The following AMMECR1 variants were observed in gnomAD, a reference collection of about 807,000 sequenced individuals.
The protein encoded by AMMECR1 is AMMECR nuclear protein 1.
A neutral mutation model predicts 22.5 loss-of-function variants in AMMECR1; 3 were observed. The ratio of observed to expected loss-of-function variants is 0.13; its 90% CI spans 0.06 to 0.35. The LOEUF (loss-of-function observed/expected upper bound fraction) is 0.35. AMMECR1 is among the 10% of genes least tolerant of loss of function. The probability of loss-of-function intolerance (pLI) is 1.00; values close to 1 mark genes in which losing one functional copy is unlikely to be tolerated. For missense variants in AMMECR1, 235 were observed against 278.7 expected (o/e 0.84, Z 1.12); for synonymous variants, 130 against 116.7 (o/e 1.11, Z -0.74).
At chrX:110,238,390 G>A (rs1197881907) in intron 2 of AMMECR1, among the ~76,000 whole-genome samples, 2 of 111,772 alleles carry the variant, frequency 1.8e-5, no homozygotes, top group African/African-American at 6.5e-5. Flanking sequence ...AGCTCAAGCC[G>A]AGTAGGCGGT....
chrX:110,224,069 A>T (rs1010758015), intron 2 of AMMECR1, among the ~76,000 whole-genome samples: 3 of 111,960 alleles, frequency 2.7e-5, no homozygotes, highest in Non-Finnish European at 5.6e-5. Context: ...CTACTCAATA[A>T]GTAGTGGCTG....
chrX:110,423,323 G>A (rs1377700621), intron 2 of AMMECR1, among the ~76,000 whole-genome samples: 1 of 105,174 alleles, frequency 9.5e-6, no homozygotes, highest in Non-Finnish European at 1.9e-5. Flanking sequence ...AGTGAAACTC[G>A]GTCTCAAAAA....
chrX:110,232,121 A>G lies in AMMECR1; in HGVS notation c.585-15489T>C, dbSNP rs755350351. ...TGACAGATCAACGAGACAGAAGGTT[A>G]ACAAGGATACCCAGGACCTGAATTT... On this transcript the variant is annotated intron_variant, in intron 2 of 5. Coordinates refer to ENST00000262844, the MANE Select transcript of AMMECR1 (RefSeq NM_015365.3). Among the ~76,000 whole-genome samples, 34 of 111,305 alleles carry G rather than the reference A, an allele frequency of 3.1e-4. 1 individual carries two copies. The South Asian group carries it at 0.013, about 44-fold the overall frequency.
At chrX:110,361,855 A>G (rs1434426483) in intron 2 of AMMECR1, among the ~76,000 whole-genome samples, 2 of 112,223 alleles carry the variant, frequency 1.8e-5, no homozygotes, top group Non-Finnish European at 3.8e-5. Flanking sequence ...GAGCCACGTA[A>G]TCTTTAACAC....
intron 2 of AMMECR1, among the ~76,000 whole-genome samples, chrX:110,358,493 C>T (rs1289022121): frequency 1.8e-5 from 2 of 110,938 alleles, no homozygotes; most frequent in African/African-American, 6.6e-5. Flanking sequence ...TCCTGACAAC[C>T]ACCTGTGAGG....
intron 2 of AMMECR1, among the ~76,000 whole-genome samples, chrX:110,241,981 C>G (rs2067635616): frequency 9.0e-6 from 1 of 111,727 alleles, no homozygotes; most frequent in Admixed American, 9.5e-5. Context: ...TCTCACTTCA[C>G]TAGCACAGGG....
Position 110,336,557 on chromosome X carries a change from C to CA in AMMECR1, c.-147-18709dup, listed in dbSNP as rs1313635258. ...AACAAAACAAAACAAAACAAAAAAA[C>CA]AAAAAAAATTAGCCAGGTGTGGTCG... On this transcript the variant is annotated intron_variant, in intron 2 of 7. Transcript: ENST00000372057. Among the ~76,000 whole-genome samples, 73 of 108,837 alleles carry CA rather than the reference C, an allele frequency of 6.7e-4. 1 individual carries two copies. The highest frequency in any genetic ancestry group is 9.9e-4 in the Non-Finnish European group (52 of 52,427). The allele number at this position is 108,837 out of a possible 115,157, so 94.5% of individuals were successfully genotyped here.
intron 2 of AMMECR1, among the ~76,000 whole-genome samples, chrX:110,354,099 T>G (rs1226875482): frequency 1.8e-5 from 2 of 112,044 alleles, no homozygotes; most frequent in East Asian, 5.5e-4. Flanking sequence ...CCACCCAAAG[T>G]GATCTACAGA....
At chrX:110,433,482 G>A (rs1234942419) in intron 1 of AMMECR1, among the ~76,000 whole-genome samples, 1 of 111,619 alleles carries the variant, frequency 9.0e-6, no homozygotes, top group East Asian at 2.8e-4. Context: ...AGGAAGGGCA[G>A]GGAGATGGGG....
At chrX:110,397,139 C>G (rs2068533880) in intron 2 of AMMECR1, among the ~76,000 whole-genome samples, 1 of 111,596 alleles carries the variant, frequency 9.0e-6, no homozygotes, top group Non-Finnish European at 1.9e-5. Flanking sequence ...AACTGCTTTT[C>G]TGTTCCTGCC....
chrX:110,260,237 T>C (rs956527071), intron 2 of AMMECR1, among the ~76,000 whole-genome samples: 1 of 111,701 alleles, frequency 9.0e-6, no homozygotes, highest in Admixed American at 9.5e-5. Context: ...AGTCTATTTA[T>C]AATAGTTCCA....
At chrX:110,204,528 T>C (rs1249974187) in intron 3 of AMMECR1, among the ~76,000 whole-genome samples, 1 of 111,285 alleles carries the variant, frequency 9.0e-6, no homozygotes, top group Admixed American at 9.6e-5. Flanking sequence ...TAATTTTTAT[T>C]CTAATTGAAC....
chrX:110,303,877 A>C (rs963357011), intron 1 of AMMECR1, among the ~76,000 whole-genome samples: 1 of 112,033 alleles, frequency 8.9e-6, no homozygotes, highest in Non-Finnish European at 1.9e-5. Context: ...TTGGAAAATA[A>C]TTTTCTTATA....
chrX:110,386,391 A>G (rs2068455424), intron 2 of AMMECR1, among the ~76,000 whole-genome samples: 1 of 109,382 alleles, frequency 9.1e-6, no homozygotes, highest in African/African-American at 3.3e-5. Context: ...TACTGTGTGT[A>G]AAGTAGTATC....
intron 3 of AMMECR1, among the ~76,000 whole-genome samples, chrX:110,208,741 C>T (rs1271541003): frequency 2.7e-5 from 3 of 111,436 alleles, no homozygotes; most frequent in Non-Finnish European, 3.8e-5. Flanking sequence ...TGAAGCCAAA[C>T]ATGTTTATAT....
intron 1 of AMMECR1, among the ~76,000 whole-genome samples, chrX:110,438,002 G>T (rs73542224): frequency 9.0e-6 from 1 of 111,454 alleles, no homozygotes; most frequent in African/African-American, 3.3e-5. Context: ...CCCCAAATCC[G>T]TAGTCTCTGC....
intron 2 of AMMECR1, among the ~76,000 whole-genome samples, chrX:110,376,591 G>T (rs759434453): frequency 2.7e-5 from 3 of 112,267 alleles, no homozygotes; most frequent in Non-Finnish European, 5.6e-5. Flanking sequence ...AACATGCTCT[G>T]CCCTATGAGG....
At chrX:110,223,950 T>C (rs1178030679) in intron 2 of AMMECR1, among the ~76,000 whole-genome samples, 1 of 112,076 alleles carries the variant, frequency 8.9e-6, no homozygotes, top group African/African-American at 3.2e-5. Context: ...TCTTAATCTA[T>C]GCCAGCCTTC....
chrX:110,302,150 GA>G (rs2067970368), intron 1 of AMMECR1, among the ~76,000 whole-genome samples: 2 of 111,523 alleles, frequency 1.8e-5, no homozygotes, highest in South Asian at 7.6e-4. Context: ...ATATGCATAA[GA>G]GAAAAAGATA....
Sources: gnomAD v4.1 joint callset for allele counts (sites outside exome capture counted in the v4.1 genomes callset) on GRCh38, gnomAD v4.1.1 for gene constraint, MANE v1.5 for transcripts, NCBI Gene and HGNC (gene_info 2026-07-23, HGNC 2026-07-21) for gene names.